HDAC9: variants seen among roughly 807,000 people sequenced by gnomAD.
HDAC9 encodes the protein MEF-2 interacting transcription repressor (MITR) protein.
HDAC9 carries 41 observed loss-of-function variants against 139.4 expected under a neutral mutation model. The observed-to-expected ratio is 0.29, with a 90% CI of 0.23 to 0.38. The LOEUF (loss-of-function observed/expected upper bound fraction) is 0.38, where lower values mean the gene tolerates loss of function less well. Ranked by LOEUF, HDAC9 falls within the 10% of genes least tolerant of loss-of-function variation. The pLI is 1.00. For missense variants in HDAC9, 1,147 were observed against 1,297.0 expected, an observed-to-expected ratio of 0.88 and a Z score of 1.78; for synonymous variants, 517 against 476.2, an observed-to-expected ratio of 1.09 and a Z score of -1.12.
intron 16 of HDAC9, among the ~76,000 whole-genome samples, chr7:18,769,570 G>A (rs1224000969): frequency 6.6e-6 from 1 of 152,076 alleles, no homozygotes; most frequent in South Asian, 2.1e-4. Flanking sequence ...GTGTGTGTGT[G>A]TGCAAGTTTG....
intron 23 of HDAC9, among the ~76,000 whole-genome samples, chr7:18,937,270 C>T (rs1490838828): frequency 1.3e-5 from 2 of 151,954 alleles, no homozygotes; most frequent in Non-Finnish European, 1.5e-5. Flanking sequence ...GAACTCCTGA[C>T]CTCGTGATCT....
chr7:18,664,564 T>C (rs967121289), intron 11 of HDAC9, among the ~76,000 whole-genome samples: 1 of 152,090 alleles, frequency 6.6e-6, no homozygotes, highest in Non-Finnish European at 1.5e-5. Flanking sequence ...CTGGTCTCCT[T>C]TTCCAATCCA....
At chr7:18,535,722 CAAAAAAA>C (rs72123660) in intron 2 of HDAC9, among the ~76,000 whole-genome samples, 4 of 49,248 alleles carry the variant, frequency 8.1e-5, no homozygotes, top group East Asian at 6.7e-4. Flanking sequence ...AGGCATTAAG[CAAAAAAA>C]AAAAAAAAAA....
chr7:18,781,257 T>C (rs1221162632), intron 16 of HDAC9, among the ~76,000 whole-genome samples: 1 of 152,054 alleles, frequency 6.6e-6, no homozygotes, highest in African/African-American at 2.4e-5. Context: ...AGGACTTCAA[T>C]ATGCGAATTC....
intron 13 of HDAC9, among the ~76,000 whole-genome samples, chr7:18,741,993 G>A (rs977389282): frequency 3.3e-5 from 5 of 152,144 alleles, no homozygotes; most frequent in Non-Finnish European, 7.3e-5. Flanking sequence ...ATTTCTTAGG[G>A]GTTGAGCAAG....
rs1329265357 is a variant in HDAC9, at chr7:18,563,247, T to C, written c.23-22034T>C. 2.0e-5 allele frequency among the ~76,000 whole-genome samples: 3 copies of C among 152,192 alleles called. No homozygotes were observed. The East Asian group carries it at 5.8e-4, about 29-fold the overall frequency. The stretch of plus-strand genomic sequence containing the variant: ...TTATAATCTCAGTATATCAGTGATT[T>C]TTAAAAACGGATTTCTACTTGTTTT... On this transcript the variant is annotated intron_variant, in intron 2 of 25. Coordinates refer to ENST00000686413, the MANE Select transcript of HDAC9 (RefSeq NM_178425.4).
At chr7:18,322,774 G>A (rs1168808897) in intron 1 of HDAC9, among the ~76,000 whole-genome samples, 4 of 152,096 alleles carry the variant, frequency 2.6e-5, no homozygotes, top group Non-Finnish European at 5.9e-5. Context: ...GGTCACTGTA[G>A]GAGAGAGAAA....
intron 2 of HDAC9, among the ~76,000 whole-genome samples, chr7:18,182,627 G>A (rs1217144825): frequency 6.6e-6 from 1 of 152,158 alleles, no homozygotes; most frequent in Non-Finnish European, 1.5e-5. Context: ...CTTGAGGTAG[G>A]TACTATTCTT....
chr7:18,136,715 T>G (rs1785448392), intron 1 of HDAC9, among the ~76,000 whole-genome samples: 1 of 151,278 alleles, frequency 6.6e-6, no homozygotes, highest in Non-Finnish European at 1.5e-5. Flanking sequence ...AGCCTTGTAG[T>G]ATAGTTTGAA....
intron 17 of HDAC9, among the ~76,000 whole-genome samples, chr7:18,794,171 T>C (rs913896821): frequency 2.0e-5 from 3 of 152,234 alleles, no homozygotes; most frequent in East Asian, 3.8e-4. Context: ...CAATAAACTT[T>C]GTTGGTGCTA....
intron 12 of HDAC9, among the ~76,000 whole-genome samples, chr7:18,722,047 A>G (rs1785185738): frequency 6.6e-6 from 1 of 152,174 alleles, no homozygotes; most frequent in African/African-American, 2.4e-5. Context: ...TCTTCTGTCA[A>G]AGTAATTACA....
chr7:18,248,252 A>G (rs1274589218), intron 2 of HDAC9, among the ~76,000 whole-genome samples: 1 of 152,244 alleles, frequency 6.6e-6, no homozygotes, highest in Non-Finnish European at 1.5e-5. Flanking sequence ...TTTAAATCAC[A>G]AATAGGGTTC....
chr7:18,905,553 T>A (rs1282414816), intron 22 of HDAC9, among the ~76,000 whole-genome samples: 3 of 152,220 alleles, frequency 2.0e-5, no homozygotes, highest in Non-Finnish European at 4.4e-5. Context: ...TTGCCACAGC[T>A]CAACAGTGCC....
intron 21 of HDAC9, among the ~76,000 whole-genome samples, chr7:18,865,828 T>G (rs1000127066): frequency 1.3e-5 from 2 of 152,066 alleles, no homozygotes; most frequent in Non-Finnish European, 2.9e-5. Flanking sequence ...ATAAAAGTTT[T>G]TGTACCATTT....
At chr7:18,121,556 A>AC (rs1784366262) in intron 1 of HDAC9, among the ~76,000 whole-genome samples, 1 of 152,104 alleles carries the variant, frequency 6.6e-6, no homozygotes, top group South Asian at 2.1e-4. Context: ...AAAAAAAAAA[A>AC]AAACCATTGA....
intron 24 of HDAC9, among the ~76,000 whole-genome samples, chr7:18,972,339 T>TTTAG (rs1784291144): frequency 6.6e-6 from 1 of 151,652 alleles, no homozygotes. Flanking sequence ...TGGAAATACT[T>TTTAG]TTAGTTAGCT....
At chr7:18,695,365 G>A (rs570815016) in intron 12 of HDAC9, among the ~76,000 whole-genome samples, 1 of 152,196 alleles carries the variant, frequency 6.6e-6, no homozygotes, top group East Asian at 1.9e-4. Flanking sequence ...TCTTTCCTAC[G>A]ATGCTAATTA....
chr7:18,802,710 C>A (rs1793405037), intron 17 of HDAC9, among the ~76,000 whole-genome samples: 1 of 151,498 alleles, frequency 6.6e-6, no homozygotes, highest in Non-Finnish European at 1.5e-5. Context: ...AAAATTAAGA[C>A]TATTATATGC....
rs113698181 is a variant in HDAC9, at chr7:18,400,999, G to A, written c.-41-95263G>A. On this transcript the variant is annotated intron_variant, in intron 1 of 3. Coordinates refer to the HDAC9 transcript ENST00000413509. ...GATGCCTTAGTTGTGGTATAAAAAC[G>A]CTTGGGAAACTCATCTAAATTTAAT... is the stretch of plus-strand genomic sequence containing the variant. Among the ~76,000 whole-genome samples the A allele has an allele frequency of 5.7e-3, 873 of 152,272 alleles. 7 individuals are homozygous for A. The highest frequency in any genetic ancestry group is 0.019 in the African/African-American group (770 of 41,552).
Sources: allele counts gnomAD v4.1 joint callset (sites outside exome capture counted in the v4.1 genomes callset), GRCh38; gene constraint gnomAD v4.1.1; transcripts MANE v1.5; gene names NCBI Gene and HGNC (gene_info 2026-07-23, HGNC 2026-07-21).